NELFB: variants seen among roughly 807,000 people sequenced by gnomAD.
The protein encoded by NELFB is negative elongation factor B.
NELFB carries 34 observed loss-of-function variants against 60.2 expected under a neutral mutation model. The observed-to-expected ratio is 0.56, with a 90% CI of 0.43 to 0.75. NELFB has a LOEUF of 0.75. NELFB is among the 30% of genes least tolerant of loss of function. The pLI is 0.00. For synonymous variants in NELFB, 459 were observed against 382.1 expected, an observed-to-expected ratio of 1.20 and a Z score of -2.35; for missense variants, 770 against 831.6, an observed-to-expected ratio of 0.93 and a Z score of 0.91.
chr9:137,264,640 A>AT (rs1004666396), intron 6 of NELFB, among the ~76,000 whole-genome samples: 31 of 151,726 alleles, frequency 2.0e-4, no homozygotes, highest in Admixed American at 3.9e-4. Context: ...TAATTTTTGT[A>AT]TTTTTTAGTA....
chr9:137,273,225 AGAGGGCGGGGCCT>A lies in NELFB; in HGVS notation c.*303_*315del, dbSNP rs1243583121. On this transcript the variant is annotated 3_prime_UTR_variant, in exon 13 of 13. Transcript: ENST00000343053. ...AAAAAACCACCTGTTTTCCAAGGGG[AGAGGGCGGGGCCT>A]GAGGGTGGGGGCGGGGCCTCTTCAT... 4.2e-6 allele frequency: 1 copy of A among 236,360 alleles called. No individual in the cohort carries two copies. The highest frequency in any genetic ancestry group is 5.3e-5 in the Admixed American group (1 of 18,848). 14.6% of individuals were successfully genotyped at this position (236,360 alleles called of 1,614,324 possible).
At position 137,260,201 on chromosome 9, in the gene NELFB, C is replaced by G. The variant is rs1830415908; in HGVS notation, c.742-2836C>G. On this transcript the variant is annotated intron_variant, in intron 4 of 12. Coordinates refer to ENST00000343053, the MANE Select transcript of NELFB (RefSeq NM_015456.5). ...AGTGGCTGGGACTACAGGCGCCCAC[C>G]ACCACGCCCAGCTATGTTTTTTGTA... 2.0e-5 allele frequency among the ~76,000 whole-genome samples: 3 copies of G among 150,858 alleles called. No individual in the cohort carries two copies. The South Asian group carries it at 6.3e-4, about 31-fold the overall frequency.
chr9:137,259,362 C>T (rs918911381), intron 4 of NELFB, among the ~76,000 whole-genome samples: 4 of 152,316 alleles, frequency 2.6e-5, no homozygotes, highest in African/African-American at 4.8e-5. Context: ...TGACCATGTG[C>T]GTGGGCAGCA....
rs1376168484 is a variant in NELFB, at chr9:137,264,376, AG to A, written c.1040+21del. 1 of 1,547,962 alleles carries A rather than the reference AG, an allele frequency of 6.5e-7. No individual in the cohort carries two copies. Among genetic ancestry groups the A allele is most frequent in the Admixed American group, 1.9e-5 (1 of 52,244 alleles). On this transcript the variant is annotated intron_variant, in intron 6 of 12. Transcript: ENST00000343053. ...TGCTGGGGTGAGGGTCGGCTCCACG[AG>A]GCCTCTGCCCCTCAGGGCCCTGCGT...
In NELFB at chr9:137,255,861, C is replaced by T. The variant is rs763427607; in HGVS notation, c.247-46C>T. Reference sequence around the variant, plus strand: ...CCTGTGCTCTCAGGACCTCGGGGTGCCCGGGCGCACTGGGCTGCGTTTGAG... The same window carrying T: ...CCTGTGCTCTCAGGACCTCGGGGTGTCCGGGCGCACTGGGCTGCGTTTGAG... On this transcript the variant is annotated intron_variant, in intron 1 of 12. Coordinates refer to ENST00000343053, the MANE Select transcript of NELFB (RefSeq NM_015456.5). 3 of 1,600,190 alleles carry T rather than the reference C, an allele frequency of 1.9e-6. No individual in the cohort carries two copies. The Admixed American group carries it at 5.0e-5, about 27-fold the overall frequency.
Position 137,272,928 on chromosome 9 carries a change from A to G in NELFB, c.1887A>G (p.Ter629TrpextTer79). Residue 629 changes from the stop codon to tryptophan, a stop_lost, in exon 13 of 13, where the codon TGA becomes TGG. Coordinates refer to ENST00000343053, the MANE Select transcript of NELFB (RefSeq NM_015456.5). Reference sequence around the variant, plus strand: ...GCGTGCCCGCCCCTGCCCCGCTCTGAGGGCCCTCCAGACCTGCTCGGGTGC... The same window carrying G: ...GCGTGCCCGCCCCTGCCCCGCTCTGGGGGCCCTCCAGACCTGCTCGGGTGC... 1 of 1,525,824 alleles carries G rather than the reference A, an allele frequency of 6.6e-7. No individual in the cohort carries two copies. Among genetic ancestry groups the G allele is most frequent in the Non-Finnish European group, 8.8e-7 (1 of 1,133,524 alleles). 94.5% of individuals were successfully genotyped at this position (1,525,824 alleles called of 1,614,324 possible).
At chr9:137,257,297 C>T (rs1268547425) in intron 4 of NELFB, among the ~76,000 whole-genome samples, 2 of 152,196 alleles carry the variant, frequency 1.3e-5, no homozygotes, top group African/African-American at 2.4e-5. Context: ...TGCGGAAAGC[C>T]CGCTCATGTG....
chr9:137,259,230 G>A (rs187186927), intron 4 of NELFB, among the ~76,000 whole-genome samples: 1 of 152,146 alleles, frequency 6.6e-6, no homozygotes, highest in East Asian at 1.9e-4. Flanking sequence ...AATGCTTTTT[G>A]CGGGAGGATC....
chr9:137,264,497 G>T (rs11516118), intron 6 of NELFB, 140 bp downstream of exon 6: 468,136 of 653,782 alleles, frequency 0.72, 169,970 homozygotes, highest in Admixed American at 0.79. Flanking sequence ...ACAGAGTCTC[G>T]TTCTGTAGCC....
Position 137,269,550 on chromosome 9 carries a change from G to A in NELFB, c.1489+2204G>A, listed in dbSNP as rs1830558007. ...CATATACGACCACGCGGTCACATAA[G>A]CTGACAATACTGTATTTTTACTCCA... On this transcript the variant is annotated intron_variant, in intron 10 of 12. Coordinates refer to ENST00000343053, the MANE Select transcript of NELFB (RefSeq NM_015456.5). This position sits in a 1 kb window ranked among gnomAD's most constrained non-coding sequence, Gnocchi z 5.3. 6.6e-6 allele frequency among the ~76,000 whole-genome samples: 1 copy of A among 152,210 alleles called. No homozygotes were observed. The highest frequency in any genetic ancestry group is 1.5e-5 in the Non-Finnish European group (1 of 68,054).
At chr9:137,272,344 C>G in intron 11 of NELFB, 122 bp downstream of exon 11, 1 of 1,507,838 alleles carries the variant, frequency 6.6e-7, no homozygotes, top group Non-Finnish European at 9.0e-7. Context: ...TGTTGGGCAC[C>G]AGGGCTCGCA....
In NELFB at chr9:137,263,017, GAC is replaced by G. The variant is rs754856719; in HGVS notation, c.742-18_742-17del. On this transcript the variant is annotated intron_variant, in intron 4 of 12. Coordinates refer to ENST00000343053, the MANE Select transcript of NELFB (RefSeq NM_015456.5). ...GGAGCCCAGGACGGTCTGGGGGCCT[GAC>G]AGTGCCTCTTGCTGCAGGTGGTGCA... The G allele has an allele frequency of 3.3e-5, 53 of 1,607,230 alleles. No individual in the cohort carries two copies. The highest frequency in any genetic ancestry group is 2.2e-4 in the Admixed American group (13 of 59,908).
rs1466706342 is a variant in NELFB at position 137,272,519 on chromosome 9, G to A, written c.1644G>A (p.Val548=). The A allele has an allele frequency of 4.3e-6, 7 of 1,612,022 alleles. No individual in the cohort carries two copies. The highest frequency in any genetic ancestry group is 5.9e-6 in the Non-Finnish European group (7 of 1,179,510). ...CGGCCTTTTCCAGGAAGGAGAACGT[G>A]CACCGGCACGCGCTGCGGCTCCTCA... is the stretch of plus-strand genomic sequence containing the variant. Residue 548 remains valine (V), a synonymous_variant, in exon 12 of 13, where the codon GTG becomes GTA. Transcript: ENST00000343053.
chr9:137,264,467 T>C (rs1830495121), intron 6 of NELFB, 110 bp downstream of exon 6: 1 of 783,952 alleles, frequency 1.3e-6, no homozygotes, highest in East Asian at 2.7e-5. Context: ...GATATTGCTT[T>C]TTCTTTTGTT....
At chr9:137,256,635 T>G (rs368701264) in intron 3 of NELFB, among the ~76,000 whole-genome samples, 189 bp from the exon 4 acceptor site, 9 of 152,148 alleles carry the variant, frequency 5.9e-5, no homozygotes, top group Non-Finnish European at 1.0e-4. Flanking sequence ...GTGGGGCCCC[T>G]CCTGGGAAAG....
chr9:137,270,031 G>A (rs77753950), intron 10 of NELFB, among the ~76,000 whole-genome samples: 2,689 of 152,218 alleles, frequency 0.018, 83 homozygotes, highest in East Asian at 0.14. Flanking sequence ...AGCATGGTAC[G>A]GTGAGGACCC....
intron 5 of NELFB, among the ~76,000 whole-genome samples, chr9:137,263,437 C>T (rs1368631001): frequency 8.1e-6 from 1 of 123,034 alleles, no homozygotes; most frequent in African/African-American, 3.2e-5. Flanking sequence ...GCCCTCCCTC[C>T]CTCCTTCCCC....
intron 11 of NELFB, 109 bp downstream of exon 11, chr9:137,272,331 G>A (rs555658180): frequency 6.5e-7 from 1 of 1,537,310 alleles, no homozygotes; most frequent in Non-Finnish European, 8.8e-7. Context: ...CCGCAGGTGG[G>A]TCTGTTGGGC....
chr9:137,261,339 C>CAAAAAAAAAAAAAAAAAGT (rs1363385010), intron 4 of NELFB, among the ~76,000 whole-genome samples: 2 of 65,636 alleles, frequency 3.0e-5, no homozygotes, highest in Non-Finnish European at 6.0e-5. Flanking sequence ...GACTCGGTTT[C>CAAAAAAAAAAAAAAAAAGT]AAAAAAAAAA....
Sources: allele counts gnomAD v4.1 joint callset (sites outside exome capture counted in the v4.1 genomes callset), GRCh38; gene constraint gnomAD v4.1.1; non-coding constraint Gnocchi (gnomAD v3.1); transcripts MANE v1.5; gene names NCBI Gene and HGNC (gene_info 2026-07-23, HGNC 2026-07-21).